FSTL5: variants seen among roughly 807,000 people sequenced by gnomAD.
The protein encoded by FSTL5 is follistatin-related protein 5.
In FSTL5, 62 loss-of-function variants were observed where a neutral mutation model predicts 89.1. That is an observed-to-expected ratio of 0.70 (90% CI 0.57 to 0.86). FSTL5 has a LOEUF of 0.86. Among genes scored for constraint, FSTL5 ranks in the 40% least tolerant of loss-of-function variants. The pLI, the probability that FSTL5 is intolerant of heterozygous loss-of-function variation, is 0.00. For missense variants in FSTL5, 1,057 were observed against 1,001.6 expected, an observed-to-expected ratio of 1.06 and a Z score of -0.75; for synonymous variants, 383 against 346.2, an observed-to-expected ratio of 1.11 and a Z score of -1.18.
intron 4 of FSTL5, among the ~76,000 whole-genome samples, chr4:161,891,408 CAACTT>C (rs2110754379): frequency 6.6e-6 from 1 of 152,160 alleles, no homozygotes; most frequent in South Asian, 2.1e-4. Flanking sequence ...ATCAGAAAGA[CAACTT>C]AGTTGGTAAA....
chr4:161,899,272 A>T (rs1327238211), intron 4 of FSTL5, among the ~76,000 whole-genome samples: 1 of 152,216 alleles, frequency 6.6e-6, no homozygotes, highest in Non-Finnish European at 1.5e-5. Context: ...TCCCGATGGT[A>T]GAGCTGATGC....
intron 1 of FSTL5, among the ~76,000 whole-genome samples, chr4:162,122,298 C>T (rs952187085): frequency 6.6e-6 from 1 of 152,098 alleles, no homozygotes; most frequent in Non-Finnish European, 1.5e-5. Flanking sequence ...AACTGATTTT[C>T]TTAACACTTG....
At chr4:161,569,758 A>C (rs4399941) in intron 8 of FSTL5, among the ~76,000 whole-genome samples, 21 of 134,334 alleles carry the variant, frequency 1.6e-4, no homozygotes, top group African/African-American at 5.0e-4. Context: ...CCAACACACA[A>C]ACACACACAC....
chr4:162,121,780 C>A (rs549290376), intron 1 of FSTL5, among the ~76,000 whole-genome samples: 1 of 152,114 alleles, frequency 6.6e-6, no homozygotes, highest in East Asian at 1.9e-4. Flanking sequence ...CATTTATACA[C>A]AAATTTTCTT....
At chr4:161,450,364 C>A (rs897076004) in intron 15 of FSTL5, among the ~76,000 whole-genome samples, 1 of 152,042 alleles carries the variant, frequency 6.6e-6, no homozygotes, top group African/African-American at 2.4e-5. Context: ...TTCACAATGG[C>A]AGCAAAAATA....
chr4:162,157,619 G>A (rs1484273777), intron 1 of FSTL5, among the ~76,000 whole-genome samples: 1 of 152,070 alleles, frequency 6.6e-6, no homozygotes, highest in Non-Finnish European at 1.5e-5. Flanking sequence ...CTTGTCAAAA[G>A]TGAAACATTG....
chr4:161,404,343 T>C lies in FSTL5; in HGVS notation c.1842-17894A>G, dbSNP rs1409972364. Among the ~76,000 whole-genome samples, 3 of 152,120 alleles carry C rather than the reference T, an allele frequency of 2.0e-5. No individual in the cohort carries two copies. In the East Asian group the frequency reaches 5.8e-4, roughly 29 times the overall value. ...AGGATTATTTCGAAAAATGAAAGCT[T>C]TGAGAATTCTTAATGTATAGTGGAG... is the stretch of plus-strand genomic sequence containing the variant. On this transcript the variant is annotated intron_variant, in intron 15 of 15. Transcript: ENST00000306100.
intron 13 of FSTL5, among the ~76,000 whole-genome samples, chr4:161,479,288 C>T (rs1729417062): frequency 6.6e-6 from 1 of 151,944 alleles, no homozygotes; most frequent in Non-Finnish European, 1.5e-5. Context: ...TACCATATCA[C>T]TTGAACATTT....
At chr4:161,554,188 T>C (rs112019477) in intron 8 of FSTL5, among the ~76,000 whole-genome samples, 114 of 151,586 alleles carry the variant, frequency 7.5e-4, no homozygotes, top group African/African-American at 2.7e-3. Flanking sequence ...GGAATCCTTG[T>C]AAACATTTAT....
At chr4:161,737,199 G>A (rs1347915139) in intron 6 of FSTL5, among the ~76,000 whole-genome samples, 1 of 151,940 alleles carries the variant, frequency 6.6e-6, no homozygotes, top group Non-Finnish European at 1.5e-5. Context: ...GTTCTCTTTA[G>A]TAAATCTAAC....
intron 7 of FSTL5, among the ~76,000 whole-genome samples, chr4:161,629,641 G>C (rs968015262): frequency 6.6e-6 from 1 of 152,070 alleles, no homozygotes; most frequent in African/African-American, 2.4e-5. Flanking sequence ...CACCGCGCCC[G>C]GCCCATAAAA....
intron 2 of FSTL5, among the ~76,000 whole-genome samples, chr4:162,074,085 T>C (rs1188506912): frequency 2.0e-5 from 3 of 151,784 alleles, no homozygotes; most frequent in Non-Finnish European, 4.4e-5. Context: ...GTCAGCTGGG[T>C]TATATATAGC....
chr4:161,447,730 A>G (rs995200532), intron 15 of FSTL5, among the ~76,000 whole-genome samples: 14 of 152,120 alleles, frequency 9.2e-5, no homozygotes, highest in African/African-American at 3.4e-4. Context: ...TGACAGTTAT[A>G]GTGTGTTTAC....
chr4:161,463,832 T>G (rs1733658245), intron 13 of FSTL5, among the ~76,000 whole-genome samples: 1 of 152,192 alleles, frequency 6.6e-6, no homozygotes, highest in South Asian at 2.1e-4. Context: ...CCTCCCATAC[T>G]TCACATCCTC....
intron 1 of FSTL5, among the ~76,000 whole-genome samples, chr4:162,135,790 G>A (rs890759127): frequency 3.3e-5 from 5 of 151,936 alleles, no homozygotes; most frequent in South Asian, 4.1e-4. Flanking sequence ...ATAAATGATC[G>A]AGTCTTTAAT....
chr4:162,005,857 T>C (rs1010178539), intron 3 of FSTL5, among the ~76,000 whole-genome samples: 1 of 152,108 alleles, frequency 6.6e-6, no homozygotes, highest in Admixed American at 6.5e-5. Flanking sequence ...AGTAAGTGGC[T>C]GATTAACACA....
At chr4:161,669,488 A>G (rs966200206) in intron 6 of FSTL5, among the ~76,000 whole-genome samples, 2 of 152,190 alleles carry the variant, frequency 1.3e-5, no homozygotes, top group Non-Finnish European at 2.9e-5. Context: ...AAATAGAACC[A>G]AATAAATATA....
intron 2 of FSTL5, among the ~76,000 whole-genome samples, chr4:162,076,823 G>GT (rs1464366816): frequency 3.6e-4 from 54 of 151,912 alleles, no homozygotes; most frequent in African/African-American, 1.3e-3. Flanking sequence ...CGGGGCTGAT[G>GT]TATCAAAAAA....
At chr4:161,816,371 T>G (rs1730325554) in intron 4 of FSTL5, among the ~76,000 whole-genome samples, 1 of 152,218 alleles carries the variant, frequency 6.6e-6, no homozygotes, top group African/African-American at 2.4e-5. Context: ...TCACTGATGT[T>G]AATGTTTAAA....
Sources: gnomAD v4.1 joint callset for allele counts (sites outside exome capture counted in the v4.1 genomes callset) on GRCh38, gnomAD v4.1.1 for gene constraint, MANE v1.5 for transcripts, NCBI Gene and HGNC (gene_info 2026-07-23, HGNC 2026-07-21) for gene names.